Variants in TRPV2 observed in about 807,000 individuals in gnomAD.
TRPV2 encodes the protein transient receptor potential cation channel subfamily V member 2.
A neutral mutation model predicts 91.0 loss-of-function variants in TRPV2; 58 were observed. The ratio of observed to expected loss-of-function variants is 0.64; its 90% confidence interval spans 0.52 to 0.79. The LOEUF (loss-of-function observed/expected upper bound fraction) is 0.79. Ranked by LOEUF, TRPV2 falls within the 30% of genes least tolerant of loss-of-function variation. TRPV2 has a pLI of 0.00. For synonymous variants in TRPV2, 417 were observed against 414.8 expected (o/e 1.01, Z -0.06); for missense variants, 807 against 969.6 (o/e 0.83, Z 2.23).
In TRPV2 at chr17:16,435,462, A is replaced by C. The variant is rs1199869261; in HGVS notation, c.2194+493A>C. Among the ~76,000 whole-genome samples the C allele has an allele frequency of 6.6e-6, 1 of 151,960 alleles. No individual in the cohort carries two copies. Among genetic ancestry groups the C allele is most frequent in the Non-Finnish European group, 1.5e-5 (1 of 67,962 alleles). ...CACCCCAAGTCCCCCACCTCTGAGA[A>C]ACCACTTCCCATGCTTCCTCCATGT... On this transcript the variant is annotated intron_variant, in intron 14 of 14. Transcript: ENST00000338560. The surrounding 1 kb of genome is among the most constrained non-coding windows in gnomAD (Gnocchi z 4.2).
chr17:16,425,336 T>A (rs1276822366), intron 5 of TRPV2, among the ~76,000 whole-genome samples: 1 of 152,210 alleles, frequency 6.6e-6, no homozygotes, highest in Non-Finnish European at 1.5e-5. Context: ...CAGCTGCATT[T>A]TTAATGCCTA....
At chr17:16,428,279 G>C (rs747223343) in intron 8 of TRPV2, 38 bp from the exon 9 acceptor site, 2 of 1,605,324 alleles carry the variant, frequency 1.2e-6, no homozygotes, top group Non-Finnish European at 8.5e-7. Flanking sequence ...ATGCGGGAGA[G>C]CAGGTTTCAC....
At chr17:16,427,840 C>A (rs1389213954) in intron 8 of TRPV2, among the ~76,000 whole-genome samples, 11 of 152,192 alleles carry the variant, frequency 7.2e-5, no homozygotes, top group African/African-American at 2.7e-4. Context: ...AGCCAGGCCC[C>A]TCGGCTGGGA....
intron 5 of TRPV2, among the ~76,000 whole-genome samples, 196 bp from the exon 6 acceptor site, chr17:16,425,903 G>A (rs370704981): frequency 1.3e-5 from 2 of 152,216 alleles, no homozygotes; most frequent in Admixed American, 1.3e-4. Flanking sequence ...GCAGGCTGGG[G>A]CAGATGTGGC....
At chr17:16,431,900 C>T (rs1449741290) in intron 11 of TRPV2, 50 bp downstream of exon 11, 3 of 1,613,438 alleles carry the variant, frequency 1.9e-6, no homozygotes, top group Non-Finnish European at 2.5e-6. Context: ...CCTTGTCCAC[C>T]CTGTACACTC....
At position 16,436,853 on chromosome 17, in the gene TRPV2, A is replaced by C. The variant is rs770157598; in HGVS notation, c.2259A>C (p.Glu753Asp). Reference protein sequence around the residue: ...PKEDEDGASEENYVPVQLLQS... With the variant: ...PKEDEDGASEDNYVPVQLLQS... Reference sequence around the variant, plus strand: ...AGGATGAGGATGGTGCCTCTGAGGAAAACTATGTGCCCGTCCAGCTCCTCC... The same window carrying C: ...AGGATGAGGATGGTGCCTCTGAGGACAACTATGTGCCCGTCCAGCTCCTCC... Residue 753 changes from glutamate (E) to aspartate (D), a missense_variant, in exon 15 of 15, where the codon GAA (glutamate) becomes GAC (aspartate). Coordinates refer to ENST00000338560, the MANE Select transcript of TRPV2 (RefSeq NM_016113.5). The C allele has an allele frequency of 1.1e-5, 17 of 1,613,974 alleles. No individual in the cohort carries two copies. Among genetic ancestry groups the C allele is most frequent in the Non-Finnish European group, 1.4e-5 (17 of 1,180,004 alleles).
At chr17:16,416,951 A>C (rs1401569941) in intron 1 of TRPV2, among the ~76,000 whole-genome samples, 1 of 152,202 alleles carries the variant, frequency 6.6e-6, no homozygotes, top group Non-Finnish European at 1.5e-5. Context: ...GACGTTGTGT[A>C]AAGAAAGGGT....
In TRPV2 at chr17:16,435,532, C is replaced by G. The variant is rs1300593132; in HGVS notation, c.2194+563C>G. On this transcript the variant is annotated intron_variant, in intron 14 of 14. Coordinates refer to ENST00000338560, the MANE Select transcript of TRPV2 (RefSeq NM_016113.5). This position sits in a 1 kb window ranked among gnomAD's most constrained non-coding sequence, Gnocchi z 4.2. ...CGTTCCAGTGTAGTGATGGCCCCTC[C>G]TGTCCCCACCCTGCTGCCTCCACCA... 6.6e-6 allele frequency among the ~76,000 whole-genome samples: 1 copy of G among 152,164 alleles called. No individual in the cohort carries two copies. Among genetic ancestry groups the G allele is most frequent in the Non-Finnish European group, 1.5e-5 (1 of 68,026 alleles).
At position 16,436,731 on chromosome 17, in the gene TRPV2, C is replaced by T. The variant is rs1337661381; in HGVS notation, c.2195-58C>T. The stretch of plus-strand genomic sequence containing the variant: ...TGACTGTGGCCCCGTTTCCCTGGTG[C>T]CTGCTTCCTGGGGACACACTCAAGG... On this transcript the variant is annotated intron_variant, in intron 14 of 14. Coordinates refer to ENST00000338560, the MANE Select transcript of TRPV2 (RefSeq NM_016113.5). The T allele has an allele frequency of 2.3e-5, 29 of 1,288,354 alleles. 1 individual carries two copies. The South Asian group carries it at 3.0e-4, about 13-fold the overall frequency. The allele number at this position is 1,288,354 out of a possible 1,614,324, so 79.8% of individuals were successfully genotyped here.
chr17:16,424,309 C>T (rs190201262), intron 5 of TRPV2, among the ~76,000 whole-genome samples: 205 of 152,298 alleles, frequency 1.3e-3, no homozygotes, highest in African/African-American at 4.6e-3. Context: ...AGGCACCCAC[C>T]ACCATGCCTG....
intron 10 of TRPV2, among the ~76,000 whole-genome samples, chr17:16,431,288 C>T (rs56077789): frequency 0.37 from 25,821 of 70,468 alleles, 3,974 homozygotes; most frequent in Non-Finnish European, 0.38. Context: ...TATATATATA[C>T]ATATTTTTTT....
At chr17:16,417,102 C>G (rs751430501) in intron 1 of TRPV2, among the ~76,000 whole-genome samples, 2 of 152,158 alleles carry the variant, frequency 1.3e-5, no homozygotes, top group African/African-American at 2.4e-5. Flanking sequence ...GTTCCTCACC[C>G]CACAGGCCTC....
chr17:16,426,845 G>T lies in TRPV2; in HGVS notation c.1219G>T (p.Ala407Ser). ...TCTGATCTACATGTTCATCTTCACCGCTGTTGCCTACCATCAGCCTACCCT... is the reference window on the plus strand; with the variant it reads ...TCTGATCTACATGTTCATCTTCACCTCTGTTGCCTACCATCAGCCTACCCT... ...CNLIYMFIFT[A>S]VAYHQPTLKK... The change falls in exon 7 of 15, where the codon GCT becomes TCT. Residue 407 changes from alanine (A) to serine (S), a missense_variant. Transcript: ENST00000338560. The surrounding 1 kb of genome is among the most constrained non-coding windows in gnomAD (Gnocchi z 6.0). The T allele has an allele frequency of 6.2e-7, 1 of 1,613,544 alleles. No individual in the cohort carries two copies.
At chr17:16,430,174 CT>C (rs917885772) in intron 10 of TRPV2, among the ~76,000 whole-genome samples, 50 of 148,946 alleles carry the variant, frequency 3.4e-4, no homozygotes, top group African/African-American at 9.4e-4. Flanking sequence ...CCATTTTAAC[CT>C]TTTTTTTTTA....
rs751415331 is a variant in TRPV2 at position 16,417,784 on chromosome 17, T to C, written c.116T>C (p.Met39Thr). Residue 39 changes from methionine (M) to threonine (T), a missense_variant, in exon 2 of 15, where the codon ATG becomes ACG. Coordinates refer to ENST00000338560, the MANE Select transcript of TRPV2 (RefSeq NM_016113.5). ...KLDFGSGLPP[M>T]ESQFQGEDRK... ...GATTTTGGGAGCGGGCTGCCTCCCA[T>C]GGAGTCACAGTTCCAGGGCGAGGAC... 1 of 1,614,164 alleles carries C rather than the reference T, an allele frequency of 6.2e-7. No individual in the cohort carries two copies. The highest frequency in any genetic ancestry group is 8.5e-7 in the Non-Finnish European group (1 of 1,180,032).
chr17:16,429,284 C>T (rs918107962), intron 10 of TRPV2, among the ~76,000 whole-genome samples: 1 of 152,322 alleles, frequency 6.6e-6, no homozygotes, highest in African/African-American at 2.4e-5. Flanking sequence ...CTGTGTCCTG[C>T]GATGTGTGGG....
rs548809190 is a variant in TRPV2, at chr17:16,426,290, G to A, written c.1095+21G>A. 6.2e-7 allele frequency: 1 copy of A among 1,613,158 alleles called. No homozygotes were observed. Among genetic ancestry groups the A allele is most frequent in the Non-Finnish European group, 8.5e-7 (1 of 1,179,402 alleles). On this transcript the variant is annotated intron_variant, in intron 6 of 14. Coordinates refer to ENST00000338560, the MANE Select transcript of TRPV2 (RefSeq NM_016113.5). The surrounding 1 kb of genome is among the most constrained non-coding windows in gnomAD (Gnocchi z 6.0). Reference sequence around the variant, plus strand: ...GCCCGGTGAGCCCACAGGAGCATGGGTGCACGCAGAGGACCCAGCAGAGTT... The same window carrying A: ...GCCCGGTGAGCCCACAGGAGCATGGATGCACGCAGAGGACCCAGCAGAGTT...
intron 14 of TRPV2, among the ~76,000 whole-genome samples, chr17:16,436,438 C>T (rs1201672064): frequency 6.6e-6 from 1 of 152,166 alleles, no homozygotes; most frequent in Non-Finnish European, 1.5e-5. Context: ...TGCTCTTCCT[C>T]CCCTCTGGAT....
intron 1 of TRPV2, among the ~76,000 whole-genome samples, chr17:16,417,311 G>A (rs1298063450): frequency 6.7e-6 from 1 of 148,828 alleles, no homozygotes; most frequent in Non-Finnish European, 1.5e-5. Flanking sequence ...AGGCTGGAGT[G>A]CAGTGGTGCC....
Sources: allele counts gnomAD v4.1 joint callset (sites outside exome capture counted in the v4.1 genomes callset), GRCh38; gene constraint gnomAD v4.1.1; non-coding constraint Gnocchi (gnomAD v3.1); transcripts MANE v1.5; gene names NCBI Gene and HGNC (gene_info 2026-07-23, HGNC 2026-07-21).